PTCH2: variants seen among roughly 807,000 people sequenced by gnomAD.
PTCH2 encodes the protein patched 2, also known as protein patched homolog 2.
PTCH2 carries 96 observed loss-of-function variants against 117.9 expected under a neutral mutation model. The observed-to-expected ratio is 0.81, with a 90% confidence interval of 0.69 to 0.96. The LOEUF (loss-of-function observed/expected upper bound fraction) is 0.96, where lower values mean the gene tolerates loss of function less well. Among genes scored for constraint, PTCH2 ranks in the 50% least tolerant of loss-of-function variants. PTCH2 has a pLI of 0.00. For synonymous variants in PTCH2, 615 were observed against 660.9 expected (o/e 0.93, Z 1.06); for missense variants, 1,379 against 1,562.5 (o/e 0.88, Z 1.98).
chr1:44,821,006 T>C (rs1261584715), downstream of PTCH2, among the ~76,000 whole-genome samples: 1 of 152,158 alleles, frequency 6.6e-6, no homozygotes, highest in East Asian at 1.9e-4. Flanking sequence ...TTGTTGTTGT[T>C]GTTTTTGTTG....
In PTCH2 at chr1:44,828,634, G is replaced by T. The variant is rs749158562; in HGVS notation, c.1465-3C>A. The T allele has an allele frequency of 1.5e-5, 24 of 1,611,436 alleles. No homozygotes were observed. Among genetic ancestry groups the T allele is most frequent in the African/African-American group, 2.7e-5 (2 of 74,884 alleles). On this transcript the variant is annotated splice_polypyrimidine_tract_variant and splice_region_variant and intron_variant, in intron 11 of 21. Transcript: ENST00000372192. ...TGCAGACACTCGCCCATGCGCTCCT[G>T]CCAGGACAGAGTGGGGACCTGCCCT...
intron 2 of PTCH2, among the ~76,000 whole-genome samples, chr1:44,840,660 G>C (rs115171108): frequency 0.019 from 2,881 of 151,200 alleles, 47 homozygotes; most frequent in Non-Finnish European, 0.031. Flanking sequence ...GCAGTGAGAC[G>C]ATATCAAGCC....
chr1:44,835,745 A>C (rs188757044), intron 2 of PTCH2, among the ~76,000 whole-genome samples: 2 of 152,316 alleles, frequency 1.3e-5, no homozygotes, highest in Admixed American at 1.3e-4. Context: ...TATTTTTGTG[A>C]ATACACTATT....
rs1652992246 is a variant in PTCH2, at chr1:44,823,245, T to C, written c.3255A>G (p.Val1085=). 1 of 1,614,050 alleles carries C rather than the reference T, an allele frequency of 6.2e-7. No individual in the cohort carries two copies. Among genetic ancestry groups the C allele is most frequent in the African/African-American group, 1.3e-5 (1 of 74,918 alleles). The change falls in exon 20 of 22, where the codon GTA becomes GTG. Residue 1085 remains valine, a splice_region_variant and synonymous_variant. Transcript: ENST00000372192. This position sits in a 1 kb window ranked among gnomAD's most constrained non-coding sequence, Gnocchi z 5.1. ...TCCCTGCCCCGAGCCCTCCCTACCT[T>C]ACAATGAAGTCAAAGTGGGAACCAG... The part of the protein sequence containing the change: ...MLAGSHFDFI[V]RYFFAALTVL...
rs780051510 is a variant in PTCH2, at chr1:44,822,584, G to T, written c.3443C>A (p.Ser1148Tyr). The change falls in exon 22 of 22, where the codon TCC becomes TAC. Residue 1148 changes from serine (S) to tyrosine (Y), a missense_variant. Transcript: ENST00000372192. The stretch of plus-strand genomic sequence containing the variant: ...CACTCTGGCAAAGCTCTGGGGCAGG[G>T]AGGAGGATGCCCCCCACCTAAGCCC... ...GGGLRWGASS[S>Y]LPQSFARVTT... 11 of 1,613,934 alleles carry T rather than the reference G, an allele frequency of 6.8e-6. No individual in the cohort carries two copies. The African/African-American group carries it at 1.5e-4, about 22-fold the overall frequency.
rs2148876839 is a variant in PTCH2, at chr1:44,828,978, C to T, written c.1464+4G>A. The stretch of plus-strand genomic sequence containing the variant: ...CAGATGAGCCCTGGGGGACAAGGCC[C>T]CACCTGGAGAGGGGTGCCAGGCAGA... On this transcript the variant is annotated splice_donor_region_variant and intron_variant, in intron 11 of 21. Transcript: ENST00000372192. The T allele has an allele frequency of 6.4e-7, 1 of 1,554,248 alleles. No individual in the cohort carries two copies. The highest frequency in any genetic ancestry group is 8.7e-7 in the Non-Finnish European group (1 of 1,148,416).
intron 2 of PTCH2, among the ~76,000 whole-genome samples, chr1:44,838,621 T>C (rs1573660415): frequency 6.6e-6 from 1 of 152,340 alleles, no homozygotes; most frequent in East Asian, 1.9e-4. Context: ...ACAAGTCAAA[T>C]TCCAAGTCTC....
intron 6 of PTCH2, among the ~76,000 whole-genome samples, chr1:44,830,601 AAAAG>A (rs1471263379): frequency 6.6e-6 from 1 of 150,702 alleles, no homozygotes; most frequent in Non-Finnish European, 1.5e-5. Context: ...AAAAAAAAAA[AAAAG>A]AAGTCCAGCC....
rs1652934867 is a variant in PTCH2 at position 44,822,143 on chromosome 1, T to C, written c.*272A>G. The C allele has an allele frequency of 2.8e-6, 4 of 1,409,966 alleles. No homozygotes were observed. The East Asian group carries it at 1.1e-4, about 38-fold the overall frequency. 87.3% of individuals were successfully genotyped at this position (1,409,966 alleles called of 1,614,324 possible). A position where few individuals can be genotyped will look rare whatever the true frequency, so the allele number is the denominator to read the frequency against. ...GCTTGGTCAGCTGGGCAGGCAGTGG[T>C]GTGGGGTGGGAAGGGGGACAGGGCT... On this transcript the variant is annotated 3_prime_UTR_variant, in exon 22 of 22. Transcript: ENST00000372192.
At position 44,843,043 on chromosome 1, in the gene PTCH2, C is replaced by T. The variant is rs1654024169; in HGVS notation, c.-111G>A. The T allele has an allele frequency of 1.4e-6, 2 of 1,429,740 alleles. No homozygotes were observed. Among genetic ancestry groups the T allele is most frequent in the Non-Finnish European group, 1.8e-6 (2 of 1,095,970 alleles). The allele number at this position is 1,429,740 out of a possible 1,614,324, so 88.6% of individuals were successfully genotyped here. The stretch of plus-strand genomic sequence containing the variant: ...GGCCCCGCGTAGGGATTCAGTGGGG[C>T]CGCCAAGGCGCGGGCGTGGGAGAGA... On this transcript the variant is annotated 5_prime_UTR_variant, in exon 1 of 22. Transcript: ENST00000372192.
chr1:44,820,290 C>T (rs547050695), downstream of PTCH2: 1,632 of 469,684 alleles, frequency 3.5e-3, 7 homozygotes, highest in Non-Finnish European at 5.5e-3. Context: ...CTATGCTCCT[C>T]TCTGCTGGTC....
intron 2 of PTCH2, 56 bp from the exon 3 acceptor site, chr1:44,832,397 TG>T (rs1312661418): frequency 6.3e-7 from 1 of 1,588,636 alleles, no homozygotes; most frequent in Non-Finnish European, 8.6e-7. Context: ...GGTCAGAACT[TG>T]GGAAGGGGGC....
Position 44,827,263 on chromosome 1 carries a change from G to A in PTCH2, c.2418C>T (p.Thr806=), listed in dbSNP as rs970210160. 1 of 1,614,078 alleles carries A rather than the reference G, an allele frequency of 6.2e-7. No individual in the cohort carries two copies. Among genetic ancestry groups the A allele is most frequent in the Non-Finnish European group, 8.5e-7 (1 of 1,180,010 alleles). Residue 806 remains threonine, a synonymous_variant, in exon 16 of 22, where the codon ACC becomes ACT. Transcript: ENST00000372192. The part of the protein sequence containing the change: ...FDQDWASGRI[T]RHSYRNGSED... The stretch of plus-strand genomic sequence containing the variant: ...CAGAGCCATTGCGGTACGAGTGGCG[G>A]GTGATGCGCCCAGAAGCCCAGTCCT...
rs1362151969 is a variant in PTCH2 at position 44,829,993 on chromosome 1, T to C, written c.851A>G (p.His284Arg). The change falls in exon 7 of 22, where the codon CAT becomes CGT. Residue 284 changes from histidine (H) to arginine (R), a missense_variant. Coordinates refer to ENST00000372192, the MANE Select transcript of PTCH2 (RefSeq NM_003738.5). Reference sequence around the variant, plus strand: ...GTGCATGAATTTGTGGGAGAAGCCATGGCAGCCCCCACTCAGCTCGTGAGC... The same window carrying C: ...GTGCATGAATTTGTGGGAGAAGCCACGGCAGCCCCCACTCAGCTCGTGAGC... ...NVAHELSGGC[H>R]GFSHKFMHWQ... The C allele has an allele frequency of 1.2e-6, 2 of 1,614,126 alleles. No individual in the cohort carries two copies.
At chr1:44,830,512 A>G (rs1387981587) in intron 6 of PTCH2, among the ~76,000 whole-genome samples, 1 of 146,894 alleles carries the variant, frequency 6.8e-6, no homozygotes, top group Non-Finnish European at 1.5e-5. Flanking sequence ...CTAAGGCAGG[A>G]GAATTGCTTG....
chr1:44,832,418 T>G, intron 2 of PTCH2, 77 bp from the exon 3 acceptor site: 2 of 1,458,456 alleles, frequency 1.4e-6, no homozygotes, highest in Non-Finnish European at 1.9e-6. Flanking sequence ...CTTCTAACTC[T>G]GAGGCCTCCC....
intron 2 of PTCH2, among the ~76,000 whole-genome samples, chr1:44,840,101 A>ATTTT (rs1161806201): frequency 7.6e-6 from 1 of 132,320 alleles, no homozygotes; most frequent in African/African-American, 3.0e-5. Flanking sequence ...TCATGCTGAA[A>ATTTT]TTTTTTTTTT....
intron 1 of PTCH2, among the ~76,000 whole-genome samples, chr1:44,842,424 C>T (rs1372697202): frequency 6.6e-6 from 1 of 151,814 alleles, no homozygotes; most frequent in Non-Finnish European, 1.5e-5. Context: ...GGACTACAGG[C>T]GCCCGCCACC....
intron 6 of PTCH2, 101 bp downstream of exon 6, chr1:44,830,747 G>C: frequency 8.2e-7 from 1 of 1,214,550 alleles, no homozygotes; most frequent in Admixed American, 2.8e-5. Context: ...GGAAGTGGGG[G>C]GTCAGGGCAC....
Sources: allele counts gnomAD v4.1 joint callset (sites outside exome capture counted in the v4.1 genomes callset), GRCh38; gene constraint gnomAD v4.1.1; non-coding constraint Gnocchi (gnomAD v3.1); transcripts MANE v1.5; gene names NCBI Gene and HGNC (gene_info 2026-07-23, HGNC 2026-07-21).